The following BACH1 variants were observed in gnomAD, a reference collection of about 807,000 sequenced individuals.
BACH1 encodes the protein BTB domain and CNC homolog 1.
BACH1 carries 35 observed loss-of-function variants against 52.9 expected under a neutral mutation model. The observed-to-expected ratio is 0.66, with a 90% CI of 0.51 to 0.88. The LOEUF is 0.88. Among genes scored for constraint, BACH1 ranks in the 40% least tolerant of loss-of-function variants. BACH1 has a pLI of 0.00. For missense variants in BACH1, 808 were observed against 872.6 expected (o/e 0.93, Z 0.93); for synonymous variants, 321 against 319.6 (o/e 1.00, Z -0.05).
downstream of BACH1, among the ~76,000 whole-genome samples, chr21:29,348,828 C>T (rs952091102): frequency 1.3e-5 from 2 of 152,120 alleles, no homozygotes; most frequent in African/African-American, 4.8e-5. Context: ...GGCAGGGTGG[C>T]TCACGCCTGT....
intron 2 of BACH1, chr21:29,359,193 T>C (rs1018486703): frequency 6.6e-6 from 1 of 152,068 alleles, no homozygotes; most frequent in African/African-American, 2.4e-5. Flanking sequence ...CTATATTGTA[T>C]CTCTACTCAA....
intron 4 of BACH1, among the ~76,000 whole-genome samples, chr21:29,330,751 TATGA>T (rs2088971290): frequency 6.6e-6 from 1 of 152,120 alleles, no homozygotes; most frequent in Non-Finnish European, 1.5e-5. Context: ...ACATTCTAGC[TATGA>T]ATGGCAATTA....
Position 29,344,938 on chromosome 21 carries a change from G to A in BACH1, c.*2105G>A, listed in dbSNP as rs763172879. ...ATTACCTACTATTTTATGATAAAAT[G>A]TAGTTGTCTCCAGAGCTTAAATATA... On this transcript the variant is annotated 3_prime_UTR_variant, in exon 5 of 5. Transcript: ENST00000286800. The A allele has an allele frequency of 2.0e-5, 3 of 152,564 alleles. No individual in the cohort carries two copies. The highest frequency in any genetic ancestry group is 2.9e-5 in the Non-Finnish European group (2 of 68,004). The allele number at this position is 152,564 out of a possible 1,614,324, so 9.5% of individuals were successfully genotyped here. A position where few individuals can be genotyped will look rare whatever the true frequency, so the allele number is the denominator to read the frequency against.
chr21:29,357,587 T>C (rs574639543), intron 2 of BACH1, among the ~76,000 whole-genome samples: 2 of 152,296 alleles, frequency 1.3e-5, no homozygotes, highest in East Asian at 3.9e-4. Context: ...CCTTTCCTTG[T>C]ATTATTTTGA....
At chr21:29,338,752 C>T (rs754025301) in intron 4 of BACH1, among the ~76,000 whole-genome samples, 1 of 152,002 alleles carries the variant, frequency 6.6e-6, no homozygotes, top group Admixed American at 6.6e-5. Flanking sequence ...ATATATACTC[C>T]AAATCTTGAT....
At position 29,351,541 on chromosome 21, in the gene BACH1, C is replaced by T. The variant is rs1601375513; in HGVS notation, c.472+21848C>T. 1.2e-5 allele frequency: 6 copies of T among 498,584 alleles called. No individual in the cohort carries two copies. The East Asian group carries it at 1.7e-4, about 14-fold the overall frequency. The allele number at this position is 498,584 out of a possible 1,614,324, so 30.9% of individuals were successfully genotyped here. A position where few individuals can be genotyped will look rare whatever the true frequency, so the allele number is the denominator to read the frequency against. On this transcript the variant is annotated intron_variant, in intron 2 of 4. Coordinates refer to the BACH1 transcript ENST00000422809. ...GAAGAAGGAACTCGTTTTTTAAGCACTGTGTTTTCATCTCATTTGAGCGTT... is the reference window on the plus strand; with the variant it reads ...GAAGAAGGAACTCGTTTTTTAAGCATTGTGTTTTCATCTCATTTGAGCGTT...
At position 29,326,793 on chromosome 21, in the gene BACH1, G is replaced by A. The variant is rs1601355531; in HGVS notation, c.969G>A (p.Leu323=). The A allele has an allele frequency of 6.2e-7, 1 of 1,614,006 alleles. No individual in the cohort carries two copies. Among genetic ancestry groups the A allele is most frequent in the East Asian group, 2.2e-5 (1 of 44,892 alleles). Residue 323 remains leucine, a synonymous_variant, in exon 3 of 5, where the codon TTG becomes TTA. Transcript: ENST00000286800. ...SSIDPHGLYS[L]SLLHTYDQYG... Reference sequence around the variant, plus strand: ...TAGACCCTCATGGACTTTATTCTTTGTCTCTTTTACACACATATGACCAAT... The same window carrying A: ...TAGACCCTCATGGACTTTATTCTTTATCTCTTTTACACACATATGACCAAT...
chr21:29,349,324 G>A (rs1389634052), downstream of BACH1, among the ~76,000 whole-genome samples: 1 of 152,034 alleles, frequency 6.6e-6, no homozygotes, highest in Admixed American at 6.5e-5. Context: ...CTTGAAAATC[G>A]GTGAAAATCA....
chr21:29,311,724 T>C (rs1336775466), intron 1 of BACH1, among the ~76,000 whole-genome samples: 1 of 152,182 alleles, frequency 6.6e-6, no homozygotes, highest in Non-Finnish European at 1.5e-5. Flanking sequence ...ACACTTTTTT[T>C]CTATTTCTTT....
chr21:29,307,069 G>C (rs1311816870), intron 1 of BACH1, among the ~76,000 whole-genome samples: 2 of 152,178 alleles, frequency 1.3e-5, no homozygotes, highest in Non-Finnish European at 2.9e-5. Context: ...ACACCCACCT[G>C]TGGTCTCTAT....
chr21:29,351,679 C>T lies in BACH1; in HGVS notation c.472+21986C>T, dbSNP rs74925582. On this transcript the variant is annotated intron_variant, in intron 2 of 4. Coordinates refer to the BACH1 transcript ENST00000422809. ...GTGCCAAGAAGTGTTCCATACCATT[C>T]TGAGAACTCTGGATACCTGCTCAGA... 1.0e-3 allele frequency: 553 copies of T among 534,576 alleles called. 3 individuals carry two copies. In the East Asian group the frequency reaches 0.02, roughly 19 times the overall value. The allele number at this position is 534,576 out of a possible 1,614,324, so 33.1% of individuals were successfully genotyped here.
At chr21:29,356,563 T>G (rs1283552279) in intron 2 of BACH1, among the ~76,000 whole-genome samples, 1 of 152,272 alleles carries the variant, frequency 6.6e-6, no homozygotes, top group East Asian at 1.9e-4. Context: ...TATATTATCC[T>G]GTCCTGAAGG....
At position 29,345,162 on chromosome 21, in the gene BACH1, A is replaced by T. The variant is rs1656782336; in HGVS notation, c.*2329A>T. 6.6e-6 allele frequency: 1 copy of T among 152,566 alleles called. No individual in the cohort carries two copies. Among genetic ancestry groups the T allele is most frequent in the Non-Finnish European group, 1.5e-5 (1 of 68,030 alleles). 9.5% of individuals were successfully genotyped at this position (152,566 alleles called of 1,614,324 possible). ...CAAGTTGTAATGCAGATGGACAGAT[A>T]AAAAAGATTTTACGTTTGTCTTTTG... On this transcript the variant is annotated 3_prime_UTR_variant, in exon 5 of 5. Transcript: ENST00000286800.
At chr21:29,346,499 C>T (rs958766995), downstream of BACH1, among the ~76,000 whole-genome samples, 4 of 152,178 alleles carry the variant, frequency 2.6e-5, no homozygotes, top group African/African-American at 4.8e-5. Context: ...GGCAGCTGCT[C>T]AGCGGTATTG....
chr21:29,338,561 T>A (rs948867553), intron 4 of BACH1, among the ~76,000 whole-genome samples: 1 of 151,600 alleles, frequency 6.6e-6, no homozygotes, highest in Non-Finnish European at 1.5e-5. Context: ...GAAGGTGAGG[T>A]TTCGCTGTGT....
chr21:29,326,499 C>T lies in BACH1; in HGVS notation c.675C>T (p.Pro225=). ...CTCTGGCCTTGCCTTCTTTATGCCC[C>T]AAATACAGAAAATTCCAAAAAGCAT... is the stretch of plus-strand genomic sequence containing the variant. ...DAALALPSLC[P]KYRKFQKAFG... The change falls in exon 3 of 5, where the codon CCC becomes CCT. Residue 225 remains proline (P), a synonymous_variant. Coordinates refer to ENST00000286800, the MANE Select transcript of BACH1 (RefSeq NM_001186.4). 1 of 1,614,178 alleles carries T rather than the reference C, an allele frequency of 6.2e-7. No homozygotes were observed. The highest frequency in any genetic ancestry group is 8.5e-7 in the Non-Finnish European group (1 of 1,180,038).
chr21:29,358,782 GAAAGAAAGAAA>G (rs2089252445), intron 2 of BACH1, among the ~76,000 whole-genome samples: 1 of 97,150 alleles, frequency 1.0e-5, no homozygotes, highest in Non-Finnish European at 2.4e-5. Flanking sequence ...AAGAAAGAAA[GAAAGAAAGAAA>G]GAAAGAAAGA....
intron 3 of BACH1, among the ~76,000 whole-genome samples, chr21:29,328,709 C>T (rs1226187107): frequency 6.6e-6 from 1 of 151,994 alleles, no homozygotes; most frequent in Non-Finnish European, 1.5e-5. Flanking sequence ...CATTTTTTCC[C>T]TCTCCCTAGC....
At chr21:29,351,688 C>T (rs2123487862) in intron 2 of BACH1, 1 of 534,580 alleles carries the variant, frequency 1.9e-6, no homozygotes, top group Non-Finnish European at 3.8e-6. Context: ...TCTGAGAACT[C>T]TGGATACCTG....
Sources: gnomAD v4.1 joint callset for allele counts (sites outside exome capture counted in the v4.1 genomes callset) on GRCh38, gnomAD v4.1.1 for gene constraint, MANE v1.5 for transcripts, NCBI Gene and HGNC (gene_info 2026-07-23, HGNC 2026-07-21) for gene names.